Variants in RARB observed in about 807,000 individuals in gnomAD.
RARB encodes the protein retinoic acid receptor beta, also known as HBV-activated protein.
RARB carries 17 observed loss-of-function variants against 51.9 expected under a neutral mutation model. The ratio of observed to expected loss-of-function variants is 0.33; its 90% confidence interval spans 0.22 to 0.49. The LOEUF (loss-of-function observed/expected upper bound fraction) is 0.49. Among genes scored for constraint, RARB ranks in the 20% least tolerant of loss-of-function variants. The pLI is 0.99. For missense variants in RARB, 369 were observed against 550.8 expected (o/e 0.67, Z 3.30); for synonymous variants, 215 against 195.4 (o/e 1.10, Z -0.84).
intron 2 of RARB, among the ~76,000 whole-genome samples, chr3:24,989,880 A>T (rs1176370127): frequency 1.2e-5 from 1 of 86,142 alleles, no homozygotes; most frequent in Non-Finnish European, 2.1e-5. Flanking sequence ...GCTCACTGCA[A>T]GCTCCCCTTC....
At chr3:25,583,688 C>T (rs1178202268) in intron 5 of RARB, among the ~76,000 whole-genome samples, 1 of 152,204 alleles carries the variant, frequency 6.6e-6, no homozygotes, top group Non-Finnish European at 1.5e-5. Context: ...AATTTCCCAT[C>T]CTAGCCTTTG....
At chr3:24,872,747 C>T (rs1311523894) in intron 2 of RARB, among the ~76,000 whole-genome samples, 1 of 152,196 alleles carries the variant, frequency 6.6e-6, no homozygotes, top group South Asian at 2.1e-4. Flanking sequence ...CAGGCCCCAA[C>T]TCTAACACTG....
At chr3:25,135,679 G>A (rs1056280251) in intron 4 of RARB, among the ~76,000 whole-genome samples, 1 of 151,954 alleles carries the variant, frequency 6.6e-6, no homozygotes, top group Non-Finnish European at 1.5e-5. Context: ...GAAGAAAAGA[G>A]CAAAGACTTT....
intron 5 of RARB, among the ~76,000 whole-genome samples, chr3:25,346,342 A>G (rs1342782302): frequency 6.6e-6 from 1 of 152,114 alleles, no homozygotes; most frequent in Non-Finnish European, 1.5e-5. Context: ...AATAACCTTT[A>G]GGGTTATTGT....
chr3:25,297,642 T>C (rs1381201160), intron 5 of RARB, among the ~76,000 whole-genome samples: 1 of 152,144 alleles, frequency 6.6e-6, no homozygotes, highest in African/African-American at 2.4e-5. Context: ...ATTTTTTTCC[T>C]TTATCAGCGT....
intron 2 of RARB, among the ~76,000 whole-genome samples, chr3:25,483,298 A>G (rs985327650): frequency 1.3e-5 from 2 of 152,364 alleles, no homozygotes; most frequent in Middle Eastern, 6.8e-3. Context: ...AGTTGAAAAA[A>G]TATGTGTACA....
chr3:25,295,856 C>T (rs1321746302), intron 5 of RARB, among the ~76,000 whole-genome samples: 1 of 152,098 alleles, frequency 6.6e-6, no homozygotes, highest in East Asian at 1.9e-4. Context: ...GTTCCATGAC[C>T]CTTAGGCCCT....
At chr3:25,586,380 C>T (rs1701390335) in intron 5 of RARB, among the ~76,000 whole-genome samples, 1 of 152,098 alleles carries the variant, frequency 6.6e-6, no homozygotes, top group African/African-American at 2.4e-5. Context: ...GAGTAGGAAC[C>T]ATCTTAGGGT....
chr3:25,114,070 C>G (rs1699646602), intron 3 of RARB, among the ~76,000 whole-genome samples: 1 of 152,144 alleles, frequency 6.6e-6, no homozygotes, highest in Non-Finnish European at 1.5e-5. Context: ...TGGTTTGTGT[C>G]TTGGGCATTT....
At chr3:24,990,326 C>T (rs1284661670) in intron 2 of RARB, among the ~76,000 whole-genome samples, 1 of 31,862 alleles carries the variant, frequency 3.1e-5, no homozygotes, top group African/African-American at 1.5e-4. Flanking sequence ...TCCCTCCCCC[C>T]TCCCCCCACC....
intron 2 of RARB, among the ~76,000 whole-genome samples, chr3:24,907,357 T>C (rs1694889341): frequency 6.6e-6 from 1 of 152,220 alleles, no homozygotes; most frequent in Non-Finnish European, 1.5e-5. Flanking sequence ...CTGATGCCAC[T>C]GGCCTAGGGC....
chr3:24,967,880 A>G (rs924981205), intron 2 of RARB, among the ~76,000 whole-genome samples: 1 of 151,932 alleles, frequency 6.6e-6, no homozygotes, highest in Admixed American at 6.5e-5. Flanking sequence ...TGACTTTCCA[A>G]TTGTAATTGT....
intron 5 of RARB, among the ~76,000 whole-genome samples, chr3:25,386,256 G>T (rs1293914663): frequency 6.6e-6 from 1 of 152,118 alleles, no homozygotes; most frequent in African/African-American, 2.4e-5. Flanking sequence ...AAAGTGGAAA[G>T]GGAAGGGTGG....
intron 5 of RARB, among the ~76,000 whole-genome samples, chr3:25,192,895 C>G (rs930009158): frequency 2.0e-5 from 3 of 152,050 alleles, no homozygotes; most frequent in Non-Finnish European, 2.9e-5. Flanking sequence ...GTATGTCAGA[C>G]AACTCTTCTA....
At chr3:25,228,217 G>GT (rs55796125) in intron 5 of RARB, among the ~76,000 whole-genome samples, 3,872 of 105,456 alleles carry the variant, frequency 0.037, 72 homozygotes, top group Non-Finnish European at 0.052. Flanking sequence ...GACTTTGAGG[G>GT]TTTTTTTTTT....
intron 2 of RARB, among the ~76,000 whole-genome samples, chr3:25,479,139 T>A (rs1696103974): frequency 1.0e-5 from 1 of 99,740 alleles, no homozygotes; most frequent in South Asian, 2.7e-4. Context: ...AAAAATGTTG[T>A]CTGTCTGTCT....
chr3:25,260,534 G>A (rs1296075975), intron 5 of RARB, among the ~76,000 whole-genome samples: 3 of 152,004 alleles, frequency 2.0e-5, no homozygotes, highest in Admixed American at 6.6e-5. Flanking sequence ...TCAAAAATCC[G>A]AGAAGCCATA....
At chr3:25,553,450 A>G (rs1267121467) in intron 3 of RARB, among the ~76,000 whole-genome samples, 7 of 152,126 alleles carry the variant, frequency 4.6e-5, no homozygotes, top group African/African-American at 1.7e-4. Context: ...TGACCACGTT[A>G]TTTTCCAAAG....
At chr3:25,525,889 G>A (rs998744579) in intron 3 of RARB, among the ~76,000 whole-genome samples, 2 of 152,184 alleles carry the variant, frequency 1.3e-5, no homozygotes, top group African/African-American at 2.4e-5. Flanking sequence ...CAAAGGAAAA[G>A]TGTTCCAGGC....
Sources: allele counts gnomAD v4.1 joint callset (sites outside exome capture counted in the v4.1 genomes callset), GRCh38; gene constraint gnomAD v4.1.1; transcripts MANE v1.5; gene names NCBI Gene and HGNC (gene_info 2026-07-23, HGNC 2026-07-21).